Variants in THADA observed in about 807,000 individuals in gnomAD.
THADA encodes the protein THADA armadillo repeat containing.
Under a neutral mutation model 219.8 loss-of-function variants are expected in THADA, and 213 were observed. That is an observed-to-expected ratio of 0.97 (90% CI 0.87 to 1.09). The LOEUF (loss-of-function observed/expected upper bound fraction) is 1.09. Among genes scored for constraint, THADA ranks in the 50% least tolerant of loss-of-function variants. The pLI, the probability that THADA is intolerant of heterozygous loss-of-function variation, is 0.00. For missense variants in THADA, 2,956 were observed against 2,311.3 expected, an observed-to-expected ratio of 1.28 and a Z score of -5.72; for synonymous variants, 1,018 against 828.9, an observed-to-expected ratio of 1.23 and a Z score of -3.92.
intron 36 of THADA, among the ~76,000 whole-genome samples, chr2:43,257,932 G>T (rs1246052694): frequency 6.6e-6 from 1 of 152,172 alleles, no homozygotes; most frequent in Non-Finnish European, 1.5e-5. Context: ...AAGCCAGTGG[G>T]AGGAAGGGGA....
intron 10 of THADA, among the ~76,000 whole-genome samples, chr2:43,576,374 G>C (rs1699856759): frequency 6.6e-6 from 1 of 152,162 alleles, no homozygotes. Context: ...CATGAAGTCA[G>C]AAGACCTTCT....
chr2:43,536,647 GGC>G (rs1489288531), intron 21 of THADA, among the ~76,000 whole-genome samples: 1 of 151,928 alleles, frequency 6.6e-6, no homozygotes, highest in African/African-American at 2.4e-5. Flanking sequence ...CATGTTTCCA[GGC>G]AGGTATAATT....
chr2:43,274,505 G>A (rs1672490397), intron 36 of THADA, among the ~76,000 whole-genome samples: 1 of 152,216 alleles, frequency 6.6e-6, no homozygotes, highest in African/African-American at 2.4e-5. Flanking sequence ...GGCTAGTTGG[G>A]AAGAGAGAAC....
intron 8 of THADA, among the ~76,000 whole-genome samples, chr2:43,579,279 C>T (rs1700166808): frequency 6.6e-6 from 1 of 152,208 alleles, no homozygotes; most frequent in South Asian, 2.1e-4. Flanking sequence ...CCACCAATGC[C>T]TCTGTATCCC....
At chr2:43,436,043 A>C (rs368374033) in intron 26 of THADA, among the ~76,000 whole-genome samples, 13 of 152,168 alleles carry the variant, frequency 8.5e-5, no homozygotes, top group African/African-American at 3.1e-4. Flanking sequence ...GTTCTAAATC[A>C]TAAGATAATG....
chr2:43,430,896 T>C (rs1573608531), intron 26 of THADA, among the ~76,000 whole-genome samples: 1 of 152,208 alleles, frequency 6.6e-6, no homozygotes, highest in African/African-American at 2.4e-5. Context: ...TGGCCCCTGA[T>C]TGAGAACCAC....
intron 36 of THADA, among the ~76,000 whole-genome samples, chr2:43,258,135 C>T (rs1346936091): frequency 1.3e-5 from 2 of 152,174 alleles, no homozygotes; most frequent in African/African-American, 4.8e-5. Context: ...AAATGCGAGA[C>T]ACTGAGTAGG....
chr2:43,435,950 G>A (rs1395661025), intron 26 of THADA, among the ~76,000 whole-genome samples: 1 of 151,722 alleles, frequency 6.6e-6, no homozygotes, highest in Non-Finnish European at 1.5e-5. Context: ...CACCTTCCAT[G>A]TGGCAGCCTG....
intron 36 of THADA, among the ~76,000 whole-genome samples, chr2:43,246,459 C>T (rs1405261249): frequency 6.6e-6 from 1 of 152,034 alleles, no homozygotes; most frequent in Non-Finnish European, 1.5e-5. Flanking sequence ...TGCGCCACTG[C>T]ACTCCAGCCT....
chr2:43,340,635 A>G (rs1159586736), intron 30 of THADA, among the ~76,000 whole-genome samples: 1 of 152,216 alleles, frequency 6.6e-6, no homozygotes, highest in African/African-American at 2.4e-5. Flanking sequence ...TTTCTTTGCA[A>G]AAACATTAAT....
At chr2:43,518,600 G>C (rs1692026818) in intron 22 of THADA, among the ~76,000 whole-genome samples, 1 of 152,170 alleles carries the variant, frequency 6.6e-6, no homozygotes, top group South Asian at 2.1e-4. Flanking sequence ...TTTAACCGAG[G>C]TTTGTACACT....
At chr2:43,438,514 A>G (rs1285057096) in intron 26 of THADA, among the ~76,000 whole-genome samples, 1 of 152,188 alleles carries the variant, frequency 6.6e-6, no homozygotes, top group African/African-American at 2.4e-5. Flanking sequence ...CTCCAAGGTA[A>G]ATGGCCTAGA....
At chr2:43,270,810 G>C (rs775189600) in intron 36 of THADA, among the ~76,000 whole-genome samples, 12 of 152,094 alleles carry the variant, frequency 7.9e-5, no homozygotes, top group Admixed American at 4.6e-4. Context: ...GTGTGCCTGT[G>C]AACAGCCACC....
chr2:43,234,869 C>T (rs1667847792), intron 36 of THADA, among the ~76,000 whole-genome samples: 1 of 152,176 alleles, frequency 6.6e-6, no homozygotes, highest in African/African-American at 2.4e-5. Context: ...GACTGGGTTT[C>T]ACCATGTTGG....
intron 30 of THADA, among the ~76,000 whole-genome samples, chr2:43,342,366 G>C: frequency 6.6e-6 from 1 of 152,104 alleles, no homozygotes; most frequent in East Asian, 1.9e-4. Context: ...CCACACATTG[G>C]GAAATCCACC....
At chr2:43,494,650 G>A (rs745587187) in intron 25 of THADA, among the ~76,000 whole-genome samples, 2 of 152,152 alleles carry the variant, frequency 1.3e-5, no homozygotes, top group Non-Finnish European at 2.9e-5. Context: ...TCAATGCAAT[G>A]TAAATTATGC....
At chr2:43,555,428 AT>A in intron 17 of THADA, among the ~76,000 whole-genome samples, 1 of 151,864 alleles carries the variant, frequency 6.6e-6, no homozygotes, top group South Asian at 2.1e-4. Flanking sequence ...TAAGCCGTCT[AT>A]ATTTAAACAT....
chr2:43,358,379 C>T (rs1669112358), intron 29 of THADA, among the ~76,000 whole-genome samples: 1 of 151,666 alleles, frequency 6.6e-6, no homozygotes, highest in Non-Finnish European at 1.5e-5. Flanking sequence ...AAGGCTCTTC[C>T]TCTCTGGTCT....
intron 36 of THADA, among the ~76,000 whole-genome samples, chr2:43,279,203 A>G (rs1333758464): frequency 2.0e-5 from 3 of 152,088 alleles, no homozygotes; most frequent in Non-Finnish European, 4.4e-5. Flanking sequence ...GACGGCTGCG[A>G]CCTCAGGACT....
Sources: allele counts gnomAD v4.1 joint callset (sites outside exome capture counted in the v4.1 genomes callset), GRCh38; gene constraint gnomAD v4.1.1; transcripts MANE v1.5; gene names NCBI Gene and HGNC (gene_info 2026-07-23, HGNC 2026-07-21).